The following OR8G1 variants were observed in gnomAD, a reference collection of about 807,000 sequenced individuals.
OR8G1 encodes olfactory receptor 8G1.
For missense variants in OR8G1, 372 were observed against 356.2 expected (o/e 1.04, Z -0.36); for synonymous variants, 129 against 133.3 (o/e 0.97, Z 0.22).
At chr11:124,242,609 C>T (rs1299026601) in intron 1 of OR8G1, among the ~76,000 whole-genome samples, 2 of 152,000 alleles carry the variant, frequency 1.3e-5, no homozygotes, top group Non-Finnish European at 2.9e-5. Flanking sequence ...ACAGATCTTA[C>T]ATGGATTGCT....
At position 124,250,052 on chromosome 11, in the gene OR8G1, T is replaced by C; in HGVS notation, c.377T>C (p.Ile126Thr). 1 of 1,613,890 alleles carries C rather than the reference T, an allele frequency of 6.2e-7. No homozygotes were observed. ...AAMAYDRYMA[I>T]CSPLLYSVII... is the part of the protein sequence containing the mutation. ...ATGGCGTATGACCGTTACATGGCCA[T>C]CTGTAGCCCCTTGCTGTACAGTGTC... The change falls in exon 3 of 3, where the codon ATC (isoleucine) becomes ACC (threonine). Residue 126 changes from isoleucine (I) to threonine (T), a missense_variant. Transcript: ENST00000641972.
chr11:124,250,450 T>C lies in OR8G1; in HGVS notation c.775T>C (p.Tyr259His). 6.2e-7 allele frequency: 1 copy of C among 1,613,806 alleles called. No individual in the cohort carries two copies. The highest frequency in any genetic ancestry group is 8.5e-7 in the Non-Finnish European group (1 of 1,179,812). ...CTTTTTTGGATCTGCAGCATTCATG[T>C]ACTTGCAGCCATCTTCAATCAGCTC... ...VIFFGSAAFMYLQPSSISSMD... is the reference protein window; with the variant it reads ...VIFFGSAAFMHLQPSSISSMD... Residue 259 changes from tyrosine (Y) to histidine (H), a missense_variant, in exon 3 of 3, where the codon TAC becomes CAC. Tyr to His is a moderately conservative substitution (Grantham distance 83, BLOSUM62 2). Coordinates refer to ENST00000641972, the MANE Select transcript of OR8G1 (RefSeq NM_001002905.2).
At chr11:124,242,250 A>AT (rs762752984) in intron 1 of OR8G1, among the ~76,000 whole-genome samples, 6 of 151,906 alleles carry the variant, frequency 3.9e-5, no homozygotes, top group Non-Finnish European at 8.8e-5. Context: ...TAATTATCTC[A>AT]TTGCCTGCAA....
intron 1 of OR8G1, among the ~76,000 whole-genome samples, chr11:124,242,352 C>T (rs924695890): frequency 1.3e-4 from 19 of 151,916 alleles, no homozygotes; most frequent in African/African-American, 3.6e-4. Flanking sequence ...CGATGGACTC[C>T]AGGTGTAATA....
Position 124,250,543 on chromosome 11 carries a change from T to TAC in OR8G1, c.869_870insCA (p.Ser291IlefsTer3). 4 of 1,160,222 alleles carry TAC rather than the reference T, an allele frequency of 3.4e-6. 2 individuals are homozygous for TAC. In the South Asian group the frequency reaches 8.9e-5, roughly 26 times the overall value. 71.9% of individuals were successfully genotyped at this position (1,160,222 alleles called of 1,614,324 possible). ...TGTGCCCATGTTGAACCCTCTGATT[T>TAC]ATAGCCTGAGGAATAAAGATGTCCA... On this transcript the variant is annotated frameshift_variant, in exon 3 of 3. Transcript: ENST00000641972. LOFTEE classifies it low-confidence loss of function (END_TRUNC).
At chr11:124,245,058 C>T (rs780483228) in intron 1 of OR8G1, among the ~76,000 whole-genome samples, 12 of 151,636 alleles carry the variant, frequency 7.9e-5, no homozygotes, top group Non-Finnish European at 1.5e-4. Context: ...TACATGTGCA[C>T]AATGTGCAGG....
chr11:124,248,069 C>T (rs1478668674), intron 2 of OR8G1, among the ~76,000 whole-genome samples, 189 bp downstream of exon 2: 1 of 151,888 alleles, frequency 6.6e-6, no homozygotes, highest in African/African-American at 2.4e-5. Flanking sequence ...TACAGGTGTG[C>T]AGAGCTGTAT....
intron 1 of OR8G1, among the ~76,000 whole-genome samples, 169 bp from the exon 2 acceptor site, chr11:124,247,632 A>G (rs1341465560): frequency 6.6e-6 from 1 of 151,818 alleles, no homozygotes; most frequent in Non-Finnish European, 1.5e-5. Flanking sequence ...GATTTGTGTT[A>G]TTGCATGTAT....
intron 1 of OR8G1, among the ~76,000 whole-genome samples, chr11:124,245,817 G>T (rs1861805648): frequency 6.6e-6 from 1 of 151,096 alleles, no homozygotes; most frequent in Admixed American, 6.6e-5. Flanking sequence ...GTCTTCTTTT[G>T]AGAAGTGTCT....
Position 124,251,107 on chromosome 11 carries a change from CA to C in OR8G1, c.*497del, listed in dbSNP as rs1861864687. 1 of 107,046 alleles carries C rather than the reference CA, an allele frequency of 9.3e-6. No individual in the cohort carries two copies. The highest frequency in any genetic ancestry group is 2.4e-4 in the East Asian group (1 of 4,118). The allele number at this position is 107,046 out of a possible 1,614,324, so 6.6% of individuals were successfully genotyped here. On this transcript the variant is annotated 3_prime_UTR_variant, in exon 3 of 3. Coordinates refer to ENST00000641972, the MANE Select transcript of OR8G1 (RefSeq NM_001002905.2). ...TTCTTTAGCAACATAATCAAAATTT[CA>C]GAATATAAGTTACATATCCGTGTAT...
chr11:124,244,742 A>G (rs985649565), intron 1 of OR8G1, among the ~76,000 whole-genome samples: 4 of 151,906 alleles, frequency 2.6e-5, no homozygotes. Flanking sequence ...AGTACAATAT[A>G]ACATATTGAG....
intron 1 of OR8G1, among the ~76,000 whole-genome samples, chr11:124,243,549 C>T (rs924539125): frequency 6.6e-6 from 1 of 151,986 alleles, no homozygotes; most frequent in African/African-American, 2.4e-5. Context: ...CAAGTCTCTA[C>T]AACAGTATTT....
rs577084434 is a variant in OR8G1 at position 124,252,050 on chromosome 11, G to A, written c.*1439G>A. 3.3e-5 allele frequency: 5 copies of A among 152,192 alleles called. No homozygotes were observed. In the South Asian group the frequency reaches 8.3e-4, roughly 25 times the overall value. The allele number at this position is 152,192 out of a possible 1,614,324, so 9.4% of individuals were successfully genotyped here. ...ATTTAATCACAGGCTCCTGGATATCGAAACTATAGTTTGTCCATCCTTTTA... is the reference window on the plus strand; with the variant it reads ...ATTTAATCACAGGCTCCTGGATATCAAAACTATAGTTTGTCCATCCTTTTA... On this transcript the variant is annotated 3_prime_UTR_variant, in exon 3 of 3. Coordinates refer to ENST00000641972, the MANE Select transcript of OR8G1 (RefSeq NM_001002905.2).
At chr11:124,248,085 T>C (rs1165086453) in intron 2 of OR8G1, among the ~76,000 whole-genome samples, 1 of 152,110 alleles carries the variant, frequency 6.6e-6, no homozygotes, top group East Asian at 1.9e-4. Flanking sequence ...TGTATCACTA[T>C]GGTTTTAACT....
intron 1 of OR8G1, 84 bp from the exon 2 acceptor site, chr11:124,247,717 G>T (rs151091955): frequency 6.6e-6 from 1 of 151,832 alleles, no homozygotes; most frequent in Non-Finnish European, 1.5e-5. Context: ...GAGGAAGAGA[G>T]AGAGGGAGAG....
rs1420782150 is a variant in OR8G1 at position 124,248,415 on chromosome 11, T to A, written c.-17+535T>A. The stretch of plus-strand genomic sequence containing the variant: ...GTTTATGTGTGTCTGTGTGTGTGTG[T>A]GTATCCTTTCTAAGAAAGCTTAAAT... On this transcript the variant is annotated intron_variant, in intron 2 of 2. Coordinates refer to ENST00000641972, the MANE Select transcript of OR8G1 (RefSeq NM_001002905.2). Among the ~76,000 whole-genome samples the A allele has an allele frequency of 3.9e-5, 6 of 152,080 alleles. No individual in the cohort carries two copies. The East Asian group carries it at 1.2e-3, about 29-fold the overall frequency.
At chr11:124,246,115 C>T (rs1055540555) in intron 1 of OR8G1, among the ~76,000 whole-genome samples, 1 of 151,576 alleles carries the variant, frequency 6.6e-6, no homozygotes, top group Non-Finnish European at 1.5e-5. Flanking sequence ...AATGGTAATG[C>T]CTAGGTTTTC....
chr11:124,252,208 A>G lies in OR8G1; in HGVS notation c.*1597A>G, dbSNP rs1336592150. The G allele has an allele frequency of 6.6e-6, 1 of 152,104 alleles. No individual in the cohort carries two copies. Among genetic ancestry groups the G allele is most frequent in the African/African-American group, 2.4e-5 (1 of 41,418 alleles). 9.4% of individuals were successfully genotyped at this position (152,104 alleles called of 1,614,324 possible). A position where few individuals can be genotyped will look rare whatever the true frequency, so the allele number is the denominator to read the frequency against. On this transcript the variant is annotated 3_prime_UTR_variant, in exon 3 of 3. Transcript: ENST00000641972. ...TCTTGCCTGAGAAAATTCTCAATCA[A>G]TCATGGACTCTATTAACCTGAGTCT...
intron 1 of OR8G1, among the ~76,000 whole-genome samples, chr11:124,247,558 T>G (rs1424825335): frequency 6.6e-6 from 1 of 151,926 alleles, no homozygotes. Context: ...ATTGCTATAC[T>G]GGTGAATACT....
Sources: allele counts gnomAD v4.1 joint callset (sites outside exome capture counted in the v4.1 genomes callset), GRCh38; gene constraint gnomAD v4.1.1; transcripts MANE v1.5; gene names NCBI Gene and HGNC (gene_info 2026-07-23, HGNC 2026-07-21).